The following PACRG variants were observed in gnomAD, a reference collection of about 807,000 sequenced individuals.
The protein encoded by PACRG is parkin coregulated gene protein.
A neutral mutation model predicts 29.7 loss-of-function variants in PACRG; 29 were observed. That is an observed-to-expected ratio of 0.98 (90% CI 0.73 to 1.33). PACRG has a LOEUF of 1.33. Ranked by LOEUF, PACRG falls within the 40% of genes most tolerant of loss-of-function variation. The pLI, the probability that PACRG is intolerant of heterozygous loss-of-function variation, is 0.00. For synonymous variants in PACRG, 116 were observed against 118.7 expected, an observed-to-expected ratio of 0.98 and a Z score of 0.15; for missense variants, 279 against 316.2, an observed-to-expected ratio of 0.88 and a Z score of 0.89.
chr6:162,927,833 A>AC lies in PACRG; in HGVS notation c.291+113552_291+113553insC, dbSNP rs771409116. ...AGCAAACAAACAAACAAACAAACAA[A>AC]AAAATGAAACATTCTTGGATCCCTG... On this transcript the variant is annotated intron_variant, in intron 2 of 4. Coordinates refer to ENST00000366888, the MANE Select transcript of PACRG (RefSeq NM_001080379.2). Among the ~76,000 whole-genome samples, 1,306 of 151,612 alleles carry AC rather than the reference A, an allele frequency of 8.6e-3. 16 individuals carry two copies. Among genetic ancestry groups the AC allele is most frequent in the African/African-American group, 0.031 (1,260 of 41,186 alleles).
intron 4 of PACRG, among the ~76,000 whole-genome samples, chr6:163,236,349 C>T (rs1236457491): frequency 2.0e-5 from 3 of 152,200 alleles, no homozygotes; most frequent in Non-Finnish European, 2.9e-5. Context: ...TTGTGACTCA[C>T]TTATGTATAC....
intron 4 of PACRG, among the ~76,000 whole-genome samples, chr6:163,264,693 G>T (rs1310392633): frequency 6.6e-6 from 1 of 152,158 alleles, no homozygotes; most frequent in Non-Finnish European, 1.5e-5. Context: ...GCTTCCGCTG[G>T]TTGGAAAATA....
chr6:162,889,328 T>C (rs537628482), intron 2 of PACRG, among the ~76,000 whole-genome samples: 1 of 152,224 alleles, frequency 6.6e-6, no homozygotes, highest in Non-Finnish European at 1.5e-5. Flanking sequence ...CAGGCTATGA[T>C]ATTCAGTTTT....
chr6:162,804,180 A>C (rs1786116066), intron 1 of PACRG, among the ~76,000 whole-genome samples: 1 of 152,218 alleles, frequency 6.6e-6, no homozygotes, highest in Non-Finnish European at 1.5e-5. Context: ...GTAGGATTAC[A>C]AGTGATTTAA....
At chr6:163,158,151 C>T (rs1419810588) in intron 4 of PACRG, among the ~76,000 whole-genome samples, 1 of 152,146 alleles carries the variant, frequency 6.6e-6, no homozygotes, top group African/African-American at 2.4e-5. Context: ...AAGATTGGAC[C>T]TTCATCTATG....
chr6:163,065,351 A>C (rs1811442433), intron 3 of PACRG, among the ~76,000 whole-genome samples: 1 of 152,164 alleles, frequency 6.6e-6, no homozygotes, highest in African/African-American at 2.4e-5. Context: ...TTACAGATTC[A>C]CATTTACTCC....
chr6:162,979,068 T>A (rs139095263), intron 2 of PACRG, among the ~76,000 whole-genome samples: 111 of 152,344 alleles, frequency 7.3e-4, no homozygotes, highest in Non-Finnish European at 1.3e-3. Flanking sequence ...ATATAGGTCC[T>A]CTTCTCATTG....
intron 2 of PACRG, among the ~76,000 whole-genome samples, chr6:163,022,583 C>T (rs1255906558): frequency 6.6e-6 from 1 of 152,212 alleles, no homozygotes; most frequent in Non-Finnish European, 1.5e-5. Flanking sequence ...CCAGGAAACA[C>T]CGAAATCCAT....
At chr6:162,804,993 T>C (rs1584409816) in intron 1 of PACRG, among the ~76,000 whole-genome samples, 1 of 152,226 alleles carries the variant, frequency 6.6e-6, no homozygotes, top group African/African-American at 2.4e-5. Flanking sequence ...TTCAGACCTG[T>C]ACAAGATGTT....
At chr6:163,101,219 A>T in intron 4 of PACRG, 1 of 980,268 alleles carries the variant, frequency 1.0e-6, no homozygotes, top group African/African-American at 1.7e-5. Flanking sequence ...TTTGTCACAA[A>T]CTAAAAAACT....
chr6:163,310,475 A>T (rs1290244070), intron 4 of PACRG: 1 of 152,176 alleles, frequency 6.6e-6, no homozygotes, highest in Non-Finnish European at 1.5e-5. Flanking sequence ...AGCGCGGAGT[A>T]GATGCTTAGT....
At chr6:163,175,108 A>T (rs1277145225) in intron 4 of PACRG, among the ~76,000 whole-genome samples, 1 of 152,108 alleles carries the variant, frequency 6.6e-6, no homozygotes, top group Non-Finnish European at 1.5e-5. Context: ...CTGTTTCCTA[A>T]CCCAGAACTC....
chr6:163,017,630 T>C (rs1437425621), intron 2 of PACRG, among the ~76,000 whole-genome samples: 1 of 152,102 alleles, frequency 6.6e-6, no homozygotes, highest in Non-Finnish European at 1.5e-5. Context: ...AAATACATTG[T>C]ATCCAGGTGG....
In PACRG at chr6:162,983,507, G is replaced by A. The variant is rs1234264781; in HGVS notation, c.292-78643G>A. Among the ~76,000 whole-genome samples the A allele has an allele frequency of 2.0e-5, 3 of 151,942 alleles. No homozygotes were observed. The East Asian group carries it at 5.8e-4, about 29-fold the overall frequency. On this transcript the variant is annotated intron_variant, in intron 2 of 4. Transcript: ENST00000366888. ...CATTTCTTATAATGCTGGATTGGTA[G>A]TGGTGAATTCTCTCAGCATTTGTTT...
intron 1 of PACRG, among the ~76,000 whole-genome samples, chr6:162,801,490 GTTAT>G (rs1387800932): frequency 1.3e-5 from 2 of 152,108 alleles, no homozygotes; most frequent in African/African-American, 2.4e-5. Flanking sequence ...TGCATCATAA[GTTAT>G]TTGTTTTTCT....
At chr6:162,930,004 A>G (rs73605877) in intron 2 of PACRG, among the ~76,000 whole-genome samples, 2,095 of 151,940 alleles carry the variant, frequency 0.014, 53 homozygotes, top group African/African-American at 0.049. Flanking sequence ...TATTGAATCT[A>G]GTAGTGTGAT....
At chr6:163,160,812 G>A (rs769155713) in intron 4 of PACRG, among the ~76,000 whole-genome samples, 2 of 152,090 alleles carry the variant, frequency 1.3e-5, no homozygotes, top group African/African-American at 4.8e-5. Flanking sequence ...ATGCTTAAGG[G>A]AACAAAACCC....
chr6:162,752,730 G>C (rs1562562641), intron 1 of PACRG, among the ~76,000 whole-genome samples: 1 of 152,166 alleles, frequency 6.6e-6, no homozygotes, highest in Non-Finnish European at 1.5e-5. Context: ...ACTTTAGTTT[G>C]ATTTTCGTAT....
chr6:163,204,184 G>A (rs1780811376), intron 4 of PACRG, among the ~76,000 whole-genome samples: 1 of 152,206 alleles, frequency 6.6e-6, no homozygotes, highest in South Asian at 2.1e-4. Context: ...AGGTAATAGT[G>A]TTTGCAGATC....
Sources: allele counts gnomAD v4.1 joint callset (sites outside exome capture counted in the v4.1 genomes callset), GRCh38; gene constraint gnomAD v4.1.1; transcripts MANE v1.5; gene names NCBI Gene and HGNC (gene_info 2026-07-23, HGNC 2026-07-21).